CYB5R2: variants seen among roughly 807,000 people sequenced by gnomAD.
CYB5R2 encodes the protein cytochrome b5 reductase 2.
Under a neutral mutation model 29.8 loss-of-function variants are expected in CYB5R2, and 35 were observed. That is an observed-to-expected ratio of 1.17 (90% confidence interval 0.90 to 1.56). The LOEUF (loss-of-function observed/expected upper bound fraction) is 1.56, where lower values mean the gene tolerates loss of function less well. Ranked by LOEUF, CYB5R2 falls within the 40% of genes most tolerant of loss-of-function variation. The pLI is 0.00. For synonymous variants in CYB5R2, 169 were observed against 130.6 expected (o/e 1.29, Z -2.01); for missense variants, 419 against 346.7 (o/e 1.21, Z -1.66).
chr11:7,672,425 C>T (rs1202275820), intron 3 of CYB5R2, 26 bp downstream of exon 3: 2 of 1,610,084 alleles, frequency 1.2e-6, no homozygotes, highest in Non-Finnish European at 1.7e-6. Context: ...GGCCCCAGTC[C>T]TGGTGATGAC....
At chr11:7,670,766 T>A (rs1229394112) in intron 3 of CYB5R2, 1 of 152,216 alleles carries the variant, frequency 6.6e-6, no homozygotes, top group Non-Finnish European at 1.5e-5. Context: ...CTCAAATTAC[T>A]AAGGCAATTA....
upstream of CYB5R2, chr11:7,674,120 G>A: frequency 8.3e-7 from 1 of 1,210,654 alleles, no homozygotes; most frequent in Non-Finnish European, 1.1e-6. Context: ...ACTTAAGCTC[G>A]GCAAGGCTGG....
intron 6 of CYB5R2, 84 bp downstream of exon 6, chr11:7,668,394 T>G (rs1272536004): frequency 8.5e-6 from 9 of 1,054,174 alleles, no homozygotes; most frequent in Admixed American, 1.7e-5. Flanking sequence ...TCTCTCATGT[T>G]GTCCCTTAGA....
At chr11:7,673,369 T>G (rs1176346203) in intron 1 of CYB5R2, 50 bp downstream of exon 1, 2 of 1,002,034 alleles carry the variant, frequency 2.0e-6, no homozygotes, top group Non-Finnish European at 2.4e-6. Flanking sequence ...GAAGGGGGCC[T>G]GGGCACTCAA....
intron 5 of CYB5R2, 71 bp from the exon 6 acceptor site, chr11:7,668,632 T>C: frequency 8.1e-7 from 1 of 1,237,890 alleles, no homozygotes; most frequent in Non-Finnish European, 1.2e-6. Flanking sequence ...TCACTGACAT[T>C]CCTTAGGACT....
intron 3 of CYB5R2, 196 bp from the exon 4 acceptor site, chr11:7,669,927 T>C (rs1281018278): frequency 5.3e-6 from 3 of 568,542 alleles, no homozygotes; most frequent in African/African-American, 3.8e-5. Flanking sequence ...TGTGCTACCC[T>C]AGGCAAGTCA....
intron 5 of CYB5R2, 104 bp from the exon 6 acceptor site, chr11:7,668,665 G>A (rs1855519385): frequency 6.5e-6 from 6 of 928,206 alleles, no homozygotes; most frequent in Non-Finnish European, 1.1e-5. Context: ...GTCCAGCTAA[G>A]GGACTGTCTG....
upstream of CYB5R2, chr11:7,673,929 G>A: frequency 1.0e-6 from 1 of 1,001,236 alleles, no homozygotes. Flanking sequence ...GAGAAGGGCC[G>A]TGGTCGGGGG....
In CYB5R2 at chr11:7,665,409, G is replaced by A. The variant is rs762112552; in HGVS notation, c.796C>T (p.Leu266=). 1.9e-6 allele frequency: 3 copies of A among 1,604,680 alleles called. No individual in the cohort carries two copies. The highest frequency in any genetic ancestry group is 1.7e-5 in the Admixed American group (1 of 58,072). ...QTAAHPNLEK[L]GYTQDMIFTY is the part of the protein sequence containing the mutation. Reference sequence around the variant, plus strand: ...AAAATCATGTCCTGGGTATAACCCAGCTTCTCCAGGTTAGGGTGAGCCGCC... The same window carrying A: ...AAAATCATGTCCTGGGTATAACCCAACTTCTCCAGGTTAGGGTGAGCCGCC... The change falls in exon 9 of 9, where the codon CTG becomes TTG. Residue 266 remains leucine, a synonymous_variant. Coordinates refer to ENST00000299498, the MANE Select transcript of CYB5R2 (RefSeq NM_016229.5).
chr11:7,667,606 A>G (rs924797617), intron 7 of CYB5R2, 122 bp downstream of exon 7: 13 of 908,776 alleles, frequency 1.4e-5, no homozygotes, highest in African/African-American at 3.3e-5. Context: ...TGATCCCACT[A>G]AGCCCTCCCA....
intron 1 of CYB5R2, 43 bp from the exon 2 acceptor site, chr11:7,672,934 C>T: frequency 6.4e-7 from 1 of 1,573,184 alleles, no homozygotes; most frequent in Non-Finnish European, 8.6e-7. Context: ...GTCTTGCCCG[C>T]CCTGGACAGG....
At chr11:7,673,899 C>G (rs372532122), upstream of CYB5R2, 2 of 998,880 alleles carry the variant, frequency 2.0e-6, no homozygotes, top group Non-Finnish European at 2.4e-6. Flanking sequence ...GCTGGGACCC[C>G]GGCGGCTGGC....
At chr11:7,674,183 C>T (rs547922543), upstream of CYB5R2, 11 of 1,248,898 alleles carry the variant, frequency 8.8e-6, no homozygotes, top group Non-Finnish European at 1.0e-5. Context: ...AGGAAGAATT[C>T]AGGCAGCTGC....
At chr11:7,673,606 C>G (rs561178248), upstream of CYB5R2, 26 of 985,410 alleles carry the variant, frequency 2.6e-5, no homozygotes, top group East Asian at 1.4e-3. Context: ...CCCGGTCGGA[C>G]GTTCGTTCCC....
chr11:7,666,378 G>T, intron 8 of CYB5R2, 73 bp downstream of exon 8: 1 of 962,572 alleles, frequency 1.0e-6, no homozygotes, highest in Non-Finnish European at 1.7e-6. Flanking sequence ...AAAACAAAGA[G>T]ACAGAGACCA....
chr11:7,673,079 G>T (rs1003033322), intron 1 of CYB5R2, 188 bp from the exon 2 acceptor site: 10 of 551,012 alleles, frequency 1.8e-5, no homozygotes, highest in South Asian at 1.5e-4. Flanking sequence ...AGAGGGTAGG[G>T]AGGGGTCAGC....
chr11:7,673,407 A>G lies in CYB5R2; in HGVS notation c.-67+12T>C. 1.0e-6 allele frequency: 1 copy of G among 997,548 alleles called. No homozygotes were observed. Among genetic ancestry groups the G allele is most frequent in the Non-Finnish European group, 1.2e-6 (1 of 836,024 alleles). The allele number at this position is 997,548 out of a possible 1,614,324, so 61.8% of individuals were successfully genotyped here. A position where few individuals can be genotyped will look rare whatever the true frequency, so the allele number is the denominator to read the frequency against. On this transcript the variant is annotated intron_variant, in intron 1 of 8. Transcript: ENST00000299498. ...GCCAGAGACTCGGGAGCCTCCCCGC[A>G]TCTGTCCCTACCCTACAAGGCCGCC...
chr11:7,673,526 G>A, upstream of CYB5R2: 1 of 985,220 alleles, frequency 1.0e-6, no homozygotes, highest in Non-Finnish European at 1.2e-6. Flanking sequence ...GAGCCGGCCC[G>A]CCCCACTCCC....
In CYB5R2 at chr11:7,665,594, T is replaced by A. The variant is rs1252240798; in HGVS notation, c.659-48A>T. On this transcript the variant is annotated intron_variant, in intron 8 of 8. Coordinates refer to ENST00000299498, the MANE Select transcript of CYB5R2 (RefSeq NM_016229.5). The stretch of plus-strand genomic sequence containing the variant: ...GCAAGCTGAGCGATGCCAGGTGGAG[T>A]TCCTGATCCCAGGCCGCCTGCACAC... 1.9e-6 allele frequency: 3 copies of A among 1,544,654 alleles called. No individual in the cohort carries two copies. The Admixed American group carries it at 5.9e-5, about 30-fold the overall frequency.
Sources: allele counts gnomAD v4.1 joint callset, GRCh38; gene constraint gnomAD v4.1.1; transcripts MANE v1.5; gene names NCBI Gene and HGNC (gene_info 2026-07-23, HGNC 2026-07-21).